Variants in GABRB1 observed in about 807,000 individuals in gnomAD.
The protein encoded by GABRB1 is gamma-aminobutyric acid type A receptor subunit beta1, also known as gamma-aminobutyric acid receptor subunit beta-1.
GABRB1 carries 17 observed loss-of-function variants against 51.6 expected under a neutral mutation model. That is an observed-to-expected ratio of 0.33 (90% CI 0.23 to 0.49). The LOEUF (loss-of-function observed/expected upper bound fraction) is 0.49. GABRB1 is among the 20% of genes least tolerant of loss of function. The probability of loss-of-function intolerance (pLI) is 0.99; values close to 1 mark genes in which losing one functional copy is unlikely to be tolerated. For synonymous variants in GABRB1, 247 were observed against 218.9 expected (o/e 1.13, Z -1.14); for missense variants, 410 against 600.6 (o/e 0.68, Z 3.32).
intron 3 of GABRB1, among the ~76,000 whole-genome samples, chr4:47,129,201 C>T (rs977062105): frequency 1.3e-5 from 2 of 152,054 alleles, no homozygotes; most frequent in African/African-American, 4.8e-5. Context: ...ATTGCACAAT[C>T]TTTGAGTGTT....
chr4:47,068,462 G>C (rs1382897707), intron 3 of GABRB1, among the ~76,000 whole-genome samples: 1 of 152,130 alleles, frequency 6.6e-6, no homozygotes, highest in Non-Finnish European at 1.5e-5. Context: ...TCTAACTTTT[G>C]ATTGAAAGTG....
At chr4:47,327,650 G>T (rs891107035) in intron 5 of GABRB1, among the ~76,000 whole-genome samples, 2 of 151,982 alleles carry the variant, frequency 1.3e-5, no homozygotes, top group Admixed American at 6.6e-5. Context: ...AGTCCTTGTC[G>T]TATGTATTTA....
intron 4 of GABRB1, among the ~76,000 whole-genome samples, chr4:47,314,139 T>C (rs1724801695): frequency 6.6e-6 from 1 of 152,044 alleles, no homozygotes; most frequent in Non-Finnish European, 1.5e-5. Flanking sequence ...GCCGAGGTGA[T>C]CGTAGTTTAA....
In GABRB1 at chr4:47,425,833, T is replaced by G. The variant is rs753215518; in HGVS notation, c.1240T>G (p.Tyr414Asp). Residue 414 changes from tyrosine to aspartate, a missense_variant, in exon 9 of 9, where the codon TAC becomes GAC. Physicochemically the swap from Tyr to Asp is radical, Grantham distance 160. Around this residue, in one of 5 missense-constraint regions of GABRB1, gnomAD observed 181 missense variants for 195.6 expected, o/e 0.93. Coordinates refer to ENST00000295454, the MANE Select transcript of GABRB1 (RefSeq NM_000812.4). ...YRKPLSSREA[Y>D]GRALDRHGVP... ...CAAGCCCCTGAGCAGCCGCGAGGCC[T>G]ACGGGCGCGCCCTGGACCGGCACGG... 1.2e-6 allele frequency: 2 copies of G among 1,613,934 alleles called. No individual in the cohort carries two copies. Among genetic ancestry groups the G allele is most frequent in the African/African-American group, 2.7e-5 (2 of 74,938 alleles).
rs572801300 is a variant in GABRB1 at position 47,239,080 on chromosome 4, T to C, written c.461+77611T>C. ...ATGATGTATTTTTTTAACTTTTTAA[T>C]TGAGTTATACTTACAATGAAATGCT... is the stretch of plus-strand genomic sequence containing the variant. On this transcript the variant is annotated intron_variant, in intron 4 of 8. Transcript: ENST00000295454. Among the ~76,000 whole-genome samples the C allele has an allele frequency of 1.2e-4, 18 of 152,340 alleles. No homozygotes were observed. In the South Asian group the frequency reaches 3.7e-3, roughly 32 times the overall value.
At chr4:47,023,975 C>T (rs1725009836) in intron 1 of GABRB1, among the ~76,000 whole-genome samples, 1 of 151,750 alleles carries the variant, frequency 6.6e-6, no homozygotes, top group Admixed American at 6.6e-5. Context: ...GTGTCTTTAC[C>T]TTTTGCAATG....
At chr4:47,322,836 G>A (rs764284122) in intron 5 of GABRB1, among the ~76,000 whole-genome samples, 1 of 152,012 alleles carries the variant, frequency 6.6e-6, no homozygotes, top group African/African-American at 2.4e-5. Flanking sequence ...CTGGGTGCTG[G>A]CATGCACCTG....
intron 4 of GABRB1, among the ~76,000 whole-genome samples, chr4:47,284,097 C>CAAA (rs780643469): frequency 2.1e-3 from 102 of 48,828 alleles, no homozygotes; most frequent in African/African-American, 4.6e-3. Context: ...GACTCAGTCT[C>CAAA]AAAAAAAAAA....
chr4:47,234,736 C>T (rs1721265924), intron 4 of GABRB1, among the ~76,000 whole-genome samples: 1 of 152,154 alleles, frequency 6.6e-6, no homozygotes, highest in African/African-American at 2.4e-5. Context: ...TGACTTAGAT[C>T]TGAGTGTATG....
At position 47,107,685 on chromosome 4, in the gene GABRB1, G is replaced by A. The variant is rs116734400; in HGVS notation, c.241-53564G>A. Among the ~76,000 whole-genome samples the A allele has an allele frequency of 5.3e-3, 807 of 152,142 alleles. 8 individuals are homozygous for A. Among genetic ancestry groups the A allele is most frequent in the African/African-American group, 0.019 (780 of 41,530 alleles). ...GAACGTATGTTAAGCCCTTAGAACA[G>A]TGTTTGGCCCATAATGATCTGTAAG... On this transcript the variant is annotated intron_variant, in intron 3 of 8. Transcript: ENST00000295454.
At chr4:47,231,457 G>C (rs1721140223) in intron 4 of GABRB1, among the ~76,000 whole-genome samples, 1 of 152,116 alleles carries the variant, frequency 6.6e-6, no homozygotes, top group African/African-American at 2.4e-5. Flanking sequence ...ATCACTAAAA[G>C]CTGGAAATGT....
intron 4 of GABRB1, among the ~76,000 whole-genome samples, chr4:47,318,469 C>A (rs899599689): frequency 6.6e-6 from 1 of 151,972 alleles, no homozygotes; most frequent in Non-Finnish European, 1.5e-5. Context: ...CAAAACCAGC[C>A]TTCTGTGACT....
chr4:47,157,965 G>T (rs529174832), intron 3 of GABRB1, among the ~76,000 whole-genome samples: 1 of 152,062 alleles, frequency 6.6e-6, no homozygotes, highest in Non-Finnish European at 1.5e-5. Flanking sequence ...ATAGCAAATT[G>T]GGTACATTAT....
chr4:47,351,475 T>C (rs1726328960), intron 5 of GABRB1, among the ~76,000 whole-genome samples: 2 of 152,092 alleles, frequency 1.3e-5, no homozygotes, highest in African/African-American at 2.4e-5. Context: ...TAGTTACATA[T>C]GTGTACATGT....
intron 3 of GABRB1, among the ~76,000 whole-genome samples, chr4:47,082,844 A>T (rs1179866155): frequency 6.6e-6 from 1 of 152,160 alleles, no homozygotes; most frequent in Non-Finnish European, 1.5e-5. Context: ...TGTCTTCCTT[A>T]TCACAATGTT....
intron 4 of GABRB1, among the ~76,000 whole-genome samples, chr4:47,235,275 G>A (rs990717275): frequency 6.6e-6 from 1 of 152,146 alleles, no homozygotes; most frequent in African/African-American, 2.4e-5. Flanking sequence ...TAGGTTCCCA[G>A]GCGCGGTGGA....
At chr4:47,149,992 C>G (rs185580030) in intron 3 of GABRB1, among the ~76,000 whole-genome samples, 1 of 151,838 alleles carries the variant, frequency 6.6e-6, no homozygotes, top group Admixed American at 6.6e-5. Flanking sequence ...GACTTTAAGG[C>G]CTTACTTGAG....
At chr4:47,224,042 A>C (rs1478204844) in intron 4 of GABRB1, among the ~76,000 whole-genome samples, 1 of 152,114 alleles carries the variant, frequency 6.6e-6, no homozygotes, top group Non-Finnish European at 1.5e-5. Flanking sequence ...TACTACTGAC[A>C]GCTGAATTAT....
At chr4:47,353,751 C>T (rs951726802) in intron 5 of GABRB1, among the ~76,000 whole-genome samples, 2 of 152,172 alleles carry the variant, frequency 1.3e-5, no homozygotes, top group African/African-American at 2.4e-5. Context: ...CCCTTATCAC[C>T]TTCGACATTC....
Sources: allele counts gnomAD v4.1 joint callset (sites outside exome capture counted in the v4.1 genomes callset), GRCh38; gene constraint gnomAD v4.1.1; regional missense constraint gnomAD v4.1.1; transcripts MANE v1.5; gene names NCBI Gene and HGNC (gene_info 2026-07-23, HGNC 2026-07-21).